Variants in POU2F1 observed in about 807,000 individuals in gnomAD.
POU2F1 encodes POU domain, class 2, transcription factor 1.
Under a neutral mutation model 84.9 loss-of-function variants are expected in POU2F1, and 16 were observed. That is an observed-to-expected ratio of 0.19 (90% confidence interval 0.13 to 0.29). The LOEUF (loss-of-function observed/expected upper bound fraction) is 0.29, where lower values mean the gene tolerates loss of function less well. POU2F1 is among the 10% of genes least tolerant of loss of function. POU2F1 has a pLI of 1.00. For synonymous variants in POU2F1, 368 were observed against 368.3 expected (o/e 1.00, Z 0.01); for missense variants, 738 against 942.6 (o/e 0.78, Z 2.84).
intron 1 of POU2F1, among the ~76,000 whole-genome samples, chr1:167,263,527 A>G (rs1299892956): frequency 6.6e-6 from 1 of 152,190 alleles, no homozygotes; most frequent in Non-Finnish European, 1.5e-5. Flanking sequence ...CAAAAAAAAA[A>G]AAGGCCCTAT....
At chr1:167,406,834 A>T (rs1367913479) in intron 13 of POU2F1, among the ~76,000 whole-genome samples, 3 of 152,054 alleles carry the variant, frequency 2.0e-5, no homozygotes, top group African/African-American at 7.2e-5. Context: ...AATGAAAACT[A>T]CAATTTGCTG....
chr1:167,396,640 C>G, intron 10 of POU2F1: 1 of 497,232 alleles, frequency 2.0e-6, no homozygotes, highest in South Asian at 3.2e-5. Context: ...AATAATTAGC[C>G]GTAATTTTTA....
In POU2F1 at chr1:167,423,648, C is replaced by T. The variant is rs1650776856; in HGVS notation, c.*7838C>T. On this transcript the variant is annotated 3_prime_UTR_variant, in exon 16 of 16. Coordinates refer to ENST00000367866, the MANE Select transcript of POU2F1 (RefSeq NM_002697.4). Reference sequence around the variant, plus strand: ...TGCACAGGGCTCCACCACCCAGGGCCACCTTCTGGTTTAAACCCAGGACAC... The same window carrying T: ...TGCACAGGGCTCCACCACCCAGGGCTACCTTCTGGTTTAAACCCAGGACAC... 6.6e-6 allele frequency: 1 copy of T among 152,156 alleles called. No homozygotes were observed. Among genetic ancestry groups the T allele is most frequent in the South Asian group, 2.1e-4 (1 of 4,822 alleles). The allele number at this position is 152,156 out of a possible 1,614,324, so 9.4% of individuals were successfully genotyped here. A position where few individuals can be genotyped will look rare whatever the true frequency, so the allele number is the denominator to read the frequency against.
At chr1:167,288,100 A>G (rs1472377242) in intron 1 of POU2F1, among the ~76,000 whole-genome samples, 2 of 152,228 alleles carry the variant, frequency 1.3e-5, no homozygotes, top group East Asian at 1.9e-4. Context: ...ACATTCTTTT[A>G]AAAGATGTAC....
chr1:167,229,179 T>A (rs2102335430), intron 1 of POU2F1, among the ~76,000 whole-genome samples: 1 of 152,200 alleles, frequency 6.6e-6, no homozygotes, highest in Non-Finnish European at 1.5e-5. Flanking sequence ...TTTTTTAATT[T>A]TTTTTTGTTA....
At position 167,396,686 on chromosome 1, in the gene POU2F1, A is replaced by AACAC. The variant is rs34119749; in HGVS notation, c.1129+279_1129+282dup. The AACAC allele has an allele frequency of 8.2e-3, 2,658 of 325,336 alleles. 39 individuals are homozygous for AACAC. Among genetic ancestry groups the AACAC allele is most frequent in the African/African-American group, 0.046 (2,108 of 45,748 alleles). The allele number at this position is 325,336 out of a possible 1,614,324, so 20.2% of individuals were successfully genotyped here. A position where few individuals can be genotyped will look rare whatever the true frequency, so the allele number is the denominator to read the frequency against. On this transcript the variant is annotated intron_variant, in intron 10 of 15. Transcript: ENST00000367866. ...CTCTTGTATTTGAGCCAGGATTAGG[A>AACAC]ACACACACACACACACACACACAGT...
chr1:167,302,240 C>T (rs1654753490), intron 1 of POU2F1, among the ~76,000 whole-genome samples: 1 of 151,900 alleles, frequency 6.6e-6, no homozygotes, highest in African/African-American at 2.4e-5. Context: ...CACGCCACCA[C>T]ACCCGGCTAA....
rs35420473 is a variant in POU2F1 at position 167,240,898 on chromosome 1, A to G, written c.61+19940A>G. Among the ~76,000 whole-genome samples, 1,480 of 152,032 alleles carry G rather than the reference A, an allele frequency of 9.7e-3. 11 individuals are homozygous for G. The highest frequency in any genetic ancestry group is 0.013 in the Non-Finnish European group (906 of 67,952). ...TGGCTCATGCCTGTAATCCCAGCAC[A>G]TTGGGAGGCCTAGGTGGGCGGATTA... On this transcript the variant is annotated intron_variant, in intron 1 of 15. Coordinates refer to ENST00000367866, the MANE Select transcript of POU2F1 (RefSeq NM_002697.4).
chr1:167,270,565 C>CA (rs1557859443), intron 1 of POU2F1, among the ~76,000 whole-genome samples: 1 of 152,136 alleles, frequency 6.6e-6, no homozygotes, highest in African/African-American at 2.4e-5. Context: ...GAGAGACAGA[C>CA]AGAGAGTCAG....
chr1:167,341,528 C>T (rs927500074), intron 2 of POU2F1, among the ~76,000 whole-genome samples: 5 of 152,086 alleles, frequency 3.3e-5, no homozygotes, highest in Non-Finnish European at 5.9e-5. Flanking sequence ...GCAGGACATG[C>T]GACAGGGAGT....
intron 9 of POU2F1, among the ~76,000 whole-genome samples, chr1:167,391,058 G>A (rs761846760): frequency 1.6e-4 from 24 of 151,966 alleles, no homozygotes; most frequent in African/African-American, 4.1e-4. Context: ...TAGCATTTTT[G>A]TTTGTTTTAA....
chr1:167,237,098 A>G (rs1649516860), intron 1 of POU2F1, among the ~76,000 whole-genome samples: 1 of 152,174 alleles, frequency 6.6e-6, no homozygotes, highest in South Asian at 2.1e-4. Flanking sequence ...GGAGGAAGGT[A>G]TCTAACTTCT....
intron 1 of POU2F1, among the ~76,000 whole-genome samples, chr1:167,297,511 C>G (rs766440092): frequency 5.3e-5 from 8 of 152,170 alleles, no homozygotes; most frequent in Non-Finnish European, 8.8e-5. Flanking sequence ...TCTCAGTATT[C>G]TCTATTAAAA....
At chr1:167,283,479 G>C (rs918204262) in intron 1 of POU2F1, among the ~76,000 whole-genome samples, 1 of 152,224 alleles carries the variant, frequency 6.6e-6, no homozygotes, top group Non-Finnish European at 1.5e-5. Flanking sequence ...TTGCTGGAAT[G>C]AATGGATGGT....
At chr1:167,414,179 T>C (rs927079416) in intron 15 of POU2F1, among the ~76,000 whole-genome samples, 1 of 152,318 alleles carries the variant, frequency 6.6e-6, no homozygotes. Flanking sequence ...GACTTTCTGA[T>C]TGACTAAATC....
At chr1:167,237,756 ATATATATATATATAT>A (rs1649577393) in intron 1 of POU2F1, among the ~76,000 whole-genome samples, 1 of 80,932 alleles carries the variant, frequency 1.2e-5, no homozygotes, top group Non-Finnish European at 2.3e-5. Flanking sequence ...GTATATATAT[ATATATATATATATAT>A]ATTTTTTTTT....
intron 1 of POU2F1, among the ~76,000 whole-genome samples, chr1:167,328,170 TAACA>T (rs1345456864): frequency 2.6e-5 from 4 of 152,210 alleles, no homozygotes; most frequent in Non-Finnish European, 5.9e-5. Context: ...AGATTCTAAG[TAACA>T]AACTGTCTTC....
chr1:167,348,127 A>G (rs1025280443), intron 2 of POU2F1, among the ~76,000 whole-genome samples: 3 of 152,238 alleles, frequency 2.0e-5, no homozygotes, highest in African/African-American at 7.2e-5. Context: ...TTCACAAACG[A>G]AGATGGTATA....
chr1:167,229,247 T>C (rs888519556), intron 1 of POU2F1, among the ~76,000 whole-genome samples: 2 of 152,046 alleles, frequency 1.3e-5, no homozygotes, highest in African/African-American at 4.8e-5. Context: ...TGCAAAGAGA[T>C]TATCAAGGTT....
Sources: gnomAD v4.1 joint callset for allele counts (sites outside exome capture counted in the v4.1 genomes callset) on GRCh38, gnomAD v4.1.1 for gene constraint, MANE v1.5 for transcripts, NCBI Gene and HGNC (gene_info 2026-07-23, HGNC 2026-07-21) for gene names.